PTPRK: variants seen among roughly 807,000 people sequenced by gnomAD.
PTPRK encodes protein tyrosine phosphatase receptor type K, also known as receptor-type tyrosine-protein phosphatase kappa.
Under a neutral mutation model 178.0 loss-of-function variants are expected in PTPRK, and 75 were observed. The ratio of observed to expected loss-of-function variants is 0.42; its 90% CI spans 0.35 to 0.51. The LOEUF is 0.51. PTPRK is among the 20% of genes least tolerant of loss of function. PTPRK has a pLI of 0.02. For synonymous variants in PTPRK, 637 were observed against 620.6 expected (o/e 1.03, Z -0.39); for missense variants, 1,441 against 1,797.8 (o/e 0.80, Z 3.59).
chr6:128,053,149 AACACACACAC>A (rs61106638), intron 13 of PTPRK, among the ~76,000 whole-genome samples: 6 of 145,012 alleles, frequency 4.1e-5, no homozygotes, highest in African/African-American at 1.3e-4. Flanking sequence ...ATGTGTATGG[AACACACACAC>A]ACACACACAC....
intron 12 of PTPRK, among the ~76,000 whole-genome samples, chr6:128,066,377 TGCTACCTACAA>T (rs1296799378): frequency 1.3e-5 from 2 of 152,172 alleles, no homozygotes; most frequent in Non-Finnish European, 2.9e-5. Context: ...CCTTTTTCTT[TGCTACCTACAA>T]GCCAAGCATA....
Position 128,278,091 on chromosome 6 carries a change from G to C in PTPRK, c.496-35489C>G, listed in dbSNP as rs17055554. Reference sequence around the variant, plus strand: ...AAAAGCTAGTAGTACCATAAAAATAGGTAAAGGAAACAATGCAGGTGTTTT... The same window carrying C: ...AAAAGCTAGTAGTACCATAAAAATACGTAAAGGAAACAATGCAGGTGTTTT... On this transcript the variant is annotated intron_variant, in intron 3 of 29. Coordinates refer to ENST00000368226, the MANE Select transcript of PTPRK (RefSeq NM_002844.4). Among the ~76,000 whole-genome samples, 1,101 of 151,888 alleles carry C rather than the reference G, an allele frequency of 7.2e-3. 6 individuals carry two copies. The highest frequency in any genetic ancestry group is 0.02 in the Middle Eastern group (6 of 294).
At chr6:128,235,713 T>C (rs1032952638) in intron 5 of PTPRK, 4 of 383,370 alleles carry the variant, frequency 1.0e-5, no homozygotes, top group Non-Finnish European at 2.2e-5. Flanking sequence ...GTCATCGACA[T>C]TGTGTGTTTC....
At chr6:128,340,869 T>C (rs1831570151) in intron 2 of PTPRK, 1 of 409,844 alleles carries the variant, frequency 2.4e-6, no homozygotes, top group Admixed American at 3.2e-5. Flanking sequence ...TTCTTTAATA[T>C]TAACTTTTAG....
At chr6:128,288,362 T>C in intron 3 of PTPRK, among the ~76,000 whole-genome samples, 1 of 152,218 alleles carries the variant, frequency 6.6e-6, no homozygotes, top group East Asian at 1.9e-4. Flanking sequence ...GATATAATAA[T>C]ACAAAAGTGA....
chr6:128,419,419 T>G (rs1214734550), intron 1 of PTPRK, among the ~76,000 whole-genome samples: 1 of 151,362 alleles, frequency 6.6e-6, no homozygotes, highest in Non-Finnish European at 1.5e-5. Flanking sequence ...GAGACCGTCC[T>G]GGCTAACACG....
chr6:128,101,148 TG>T (rs1415680873), intron 7 of PTPRK, among the ~76,000 whole-genome samples: 1 of 152,036 alleles, frequency 6.6e-6, no homozygotes, highest in Non-Finnish European at 1.5e-5. Context: ...TGTGTAAAAG[TG>T]TAAAAGAACT....
intron 3 of PTPRK, among the ~76,000 whole-genome samples, chr6:128,266,302 C>T (rs1003819957): frequency 2.6e-5 from 4 of 152,058 alleles, no homozygotes; most frequent in African/African-American, 7.2e-5. Flanking sequence ...TATCACTAAA[C>T]GCTGCACAGT....
chr6:128,171,031 A>C (rs1371510275), intron 7 of PTPRK, among the ~76,000 whole-genome samples: 1 of 152,010 alleles, frequency 6.6e-6, no homozygotes, highest in Admixed American at 6.6e-5. Context: ...GTTTCACTAT[A>C]AGATAATTCT....
At chr6:128,239,288 G>A (rs536951606) in intron 5 of PTPRK, among the ~76,000 whole-genome samples, 123 of 152,060 alleles carry the variant, frequency 8.1e-4, no homozygotes, top group Non-Finnish European at 1.4e-3. Context: ...CAAATACTTC[G>A]CTCAATAGCC....
intron 1 of PTPRK, among the ~76,000 whole-genome samples, chr6:128,496,807 T>C (rs1270142344): frequency 6.6e-6 from 1 of 152,216 alleles, no homozygotes; most frequent in African/African-American, 2.4e-5. Flanking sequence ...TGTTGTAATG[T>C]GACATTTTCA....
At position 127,969,731 on chromosome 6, in the gene PTPRK, A is replaced by ATATATATT. The variant is rs574987327; in HGVS notation, c.*488_*495dup. The ATATATATT allele has an allele frequency of 1.3e-5, 2 of 152,038 alleles. No homozygotes were observed. Among genetic ancestry groups the ATATATATT allele is most frequent in the African/African-American group, 4.8e-5 (2 of 41,444 alleles). 9.4% of individuals were successfully genotyped at this position (152,038 alleles called of 1,614,324 possible). A position where few individuals can be genotyped will look rare whatever the true frequency, so the allele number is the denominator to read the frequency against. On this transcript the variant is annotated 3_prime_UTR_variant, in exon 30 of 30. Coordinates refer to ENST00000368226, the MANE Select transcript of PTPRK (RefSeq NM_002844.4). The stretch of plus-strand genomic sequence containing the variant: ...CACATTAAAAGAAAATAAGCCAGTT[A>ATATATATT]TATATATTTATATATTTATATAGAG...
intron 5 of PTPRK, among the ~76,000 whole-genome samples, chr6:128,239,584 TTTAA>T (rs1814003595): frequency 6.6e-6 from 1 of 152,142 alleles, no homozygotes; most frequent in Admixed American, 6.6e-5. Flanking sequence ...AACTCAAAAA[TTTAA>T]TTGGCTCTCT....
At chr6:128,252,004 T>C (rs1286437556) in intron 3 of PTPRK, among the ~76,000 whole-genome samples, 1 of 152,156 alleles carries the variant, frequency 6.6e-6, no homozygotes, top group East Asian at 1.9e-4. Context: ...GATACTGTGT[T>C]TTGCCTAATA....
intron 7 of PTPRK, among the ~76,000 whole-genome samples, chr6:128,167,448 T>C (rs1256271496): frequency 6.6e-6 from 1 of 152,076 alleles, no homozygotes; most frequent in Non-Finnish European, 1.5e-5. Flanking sequence ...TCTAGTTTTT[T>C]TCATCTGAGA....
At chr6:128,011,045 CTATATCTCTA>C (rs570382663) in intron 13 of PTPRK, among the ~76,000 whole-genome samples, 219 of 151,200 alleles carry the variant, frequency 1.4e-3, no homozygotes, top group Middle Eastern at 3.4e-3. Flanking sequence ...ATACATATAT[CTATATCTCTA>C]TATATGTAGA....
At chr6:128,131,540 G>C (rs1045045649) in intron 7 of PTPRK, among the ~76,000 whole-genome samples, 5 of 152,146 alleles carry the variant, frequency 3.3e-5, no homozygotes, top group African/African-American at 1.2e-4. Context: ...AGGCATCTGA[G>C]CATCTCAGCA....
rs78205444 is a variant in PTPRK at position 128,387,445 on chromosome 6, T to C, written c.223+10121A>G. ...AGTAAAGATAGCCTCATGGTTTCAC[T>C]TTGATTGTCTTATTGGACATTTAGT... On this transcript the variant is annotated intron_variant, in intron 2 of 29. Transcript: ENST00000368226. 6.4e-3 allele frequency among the ~76,000 whole-genome samples: 975 copies of C among 152,328 alleles called. 11 individuals are homozygous for C. Among genetic ancestry groups the C allele is most frequent in the African/African-American group, 0.023 (941 of 41,574 alleles).
intron 10 of PTPRK, 148 bp downstream of exon 10, chr6:128,082,289 T>G: frequency 1.5e-6 from 1 of 687,252 alleles, no homozygotes; most frequent in Non-Finnish European, 2.4e-6. Context: ...TTCAAATAAT[T>G]ATTTAAAGTG....
Sources: gnomAD v4.1 joint callset for allele counts (sites outside exome capture counted in the v4.1 genomes callset) on GRCh38, gnomAD v4.1.1 for gene constraint, MANE v1.5 for transcripts, NCBI Gene and HGNC (gene_info 2026-07-23, HGNC 2026-07-21) for gene names.